Variants in HEG1 observed in about 807,000 individuals in gnomAD.
HEG1 encodes heart development protein with EGF like domains 1.
Under a neutral mutation model 125.6 loss-of-function variants are expected in HEG1, and 56 were observed. The ratio of observed to expected loss-of-function variants is 0.45; its 90% CI spans 0.36 to 0.56. The LOEUF (loss-of-function observed/expected upper bound fraction) is 0.56, where lower values mean the gene tolerates loss of function less well. HEG1 is among the 20% of genes least tolerant of loss of function. HEG1 has a pLI of 0.00. For synonymous variants in HEG1, 644 were observed against 668.5 expected (o/e 0.96, Z 0.57); for missense variants, 1,523 against 1,670.0 (o/e 0.91, Z 1.53).
At position 124,970,804 on chromosome 3, in the gene HEG1, G is replaced by T. The variant is rs1399270987; in HGVS notation, c.3997-3C>A. ...TCTGGATTCCTTACACTTGTAGGCT[G>T]GTTGCCAAAGAGAAAAGAAGAAAAG... On this transcript the variant is annotated splice_region_variant and splice_polypyrimidine_tract_variant and intron_variant, in intron 16 of 16. Transcript: ENST00000311127. 6.2e-7 allele frequency: 1 copy of T among 1,604,494 alleles called. No individual in the cohort carries two copies. Among genetic ancestry groups the T allele is most frequent in the African/African-American group, 1.3e-5 (1 of 74,840 alleles).
chr3:124,991,013 G>T (rs200239850), intron 12 of HEG1, 27 bp from the exon 13 acceptor site: 3 of 1,542,158 alleles, frequency 1.9e-6, no homozygotes, highest in Admixed American at 2.0e-5. Context: ...AAATGCATGA[G>T]TGTGTCTATT....
intron 1 of HEG1, among the ~76,000 whole-genome samples, chr3:125,037,125 T>C (rs111975914): frequency 0.015 from 2,241 of 152,354 alleles, 26 homozygotes; most frequent in Non-Finnish European, 0.024. Context: ...ACATTGTTGA[T>C]ACAGTTTTTC....
At chr3:125,050,201 T>C (rs1209024452) in intron 1 of HEG1, among the ~76,000 whole-genome samples, 7 of 149,198 alleles carry the variant, frequency 4.7e-5, no homozygotes, top group Admixed American at 4.1e-4. Context: ...TAGAGTGTAG[T>C]GGTGTACTCT....
chr3:125,049,534 A>G (rs1937756961), intron 1 of HEG1, among the ~76,000 whole-genome samples: 1 of 152,180 alleles, frequency 6.6e-6, no homozygotes, highest in Non-Finnish European at 1.5e-5. Context: ...CATCCACAGA[A>G]TACTTCCAAG....
In HEG1 at chr3:124,968,503, A is replaced by G. The variant is rs1936359488; in HGVS notation, c.*2149T>C. On this transcript the variant is annotated 3_prime_UTR_variant, in exon 17 of 17. Coordinates refer to ENST00000311127, the MANE Select transcript of HEG1 (RefSeq NM_020733.2). ...GAAGCATTGTTGGAACTCACAGGACACCGTTTTCTCGATGTTGGGATTCTT... is the reference window on the plus strand; with the variant it reads ...GAAGCATTGTTGGAACTCACAGGACGCCGTTTTCTCGATGTTGGGATTCTT... 6.6e-6 allele frequency: 1 copy of G among 152,204 alleles called. No individual in the cohort carries two copies. Among genetic ancestry groups the G allele is most frequent in the Admixed American group, 6.5e-5 (1 of 15,278 alleles). The allele number at this position is 152,204 out of a possible 1,614,324, so 9.4% of individuals were successfully genotyped here.
At chr3:124,999,614 T>G (rs757438357) in intron 11 of HEG1, among the ~76,000 whole-genome samples, 7 of 152,236 alleles carry the variant, frequency 4.6e-5, no homozygotes, top group Admixed American at 6.5e-5. Context: ...CAGAAGCAGA[T>G]CCATGCAAAA....
In HEG1 at chr3:125,052,570, A is replaced by C. The variant is rs1937837720; in HGVS notation, c.316+3005T>G. Among the ~76,000 whole-genome samples the C allele has an allele frequency of 2.6e-5, 4 of 152,220 alleles. No homozygotes were observed. The South Asian group carries it at 8.3e-4, about 32-fold the overall frequency. ...TCTCCCTCTCATCTGCAGATCTCAC[A>C]ATTAAAGCATAGCATATGGATCACA... On this transcript the variant is annotated intron_variant, in intron 1 of 16. Coordinates refer to ENST00000311127, the MANE Select transcript of HEG1 (RefSeq NM_020733.2).
At chr3:125,002,138 G>C in intron 10 of HEG1, 119 bp downstream of exon 10, 1 of 1,487,114 alleles carries the variant, frequency 6.7e-7, no homozygotes, top group Admixed American at 1.7e-5. Flanking sequence ...CAGTGACCTT[G>C]GCCCTGGATT....
intron 9 of HEG1, among the ~76,000 whole-genome samples, chr3:125,003,953 T>C (rs1937035735): frequency 1.3e-5 from 2 of 152,246 alleles, no homozygotes; most frequent in South Asian, 2.1e-4. Flanking sequence ...TAGTGAATTA[T>C]TGAAACTGAG....
At chr3:125,030,207 C>T (rs1312964625) in intron 1 of HEG1, among the ~76,000 whole-genome samples, 1 of 152,162 alleles carries the variant, frequency 6.6e-6, no homozygotes, top group Admixed American at 6.5e-5. Context: ...ATTATAAAAG[C>T]TGGCAGCCCT....
chr3:124,980,192 G>A (rs2107688186), intron 14 of HEG1, among the ~76,000 whole-genome samples: 1 of 152,320 alleles, frequency 6.6e-6, no homozygotes, highest in Non-Finnish European at 1.5e-5. Context: ...AACTGCAGCT[G>A]CTTCCCAACG....
intron 1 of HEG1, among the ~76,000 whole-genome samples, chr3:125,045,237 C>T (rs1053779479): frequency 2.0e-5 from 3 of 152,212 alleles, no homozygotes; most frequent in South Asian, 4.1e-4. Context: ...AGCACCCACT[C>T]GGAGAAAACA....
intron 8 of HEG1, 146 bp downstream of exon 8, chr3:125,009,559 G>C: frequency 1.4e-6 from 1 of 731,610 alleles, no homozygotes; most frequent in Non-Finnish European, 2.1e-6. Context: ...TTAGAATAAT[G>C]GACAATAGCT....
chr3:125,000,312 G>A (rs73201571), intron 11 of HEG1, among the ~76,000 whole-genome samples: 9,124 of 152,214 alleles, frequency 0.06, 348 homozygotes, highest in Non-Finnish European at 0.09. Context: ...AAATCCAAAT[G>A]GCTGGCACTT....
chr3:124,990,495 C>T (rs567647596), intron 14 of HEG1, among the ~76,000 whole-genome samples: 1 of 152,238 alleles, frequency 6.6e-6, no homozygotes, highest in South Asian at 2.1e-4. Context: ...TGTGCCATCA[C>T]ACCCAGCTAA....
chr3:125,024,459 C>G (rs1460421342), intron 3 of HEG1, among the ~76,000 whole-genome samples: 1 of 152,180 alleles, frequency 6.6e-6, no homozygotes, highest in Non-Finnish European at 1.5e-5. Context: ...GCTTTTTTCC[C>G]TGTTCGTTGC....
chr3:125,001,825 G>A, intron 11 of HEG1, 27 bp downstream of exon 11: 1 of 1,604,126 alleles, frequency 6.2e-7, no homozygotes. Flanking sequence ...ATATGGGTAG[G>A]ATCCTCCCAG....
Position 125,010,518 on chromosome 3 carries a change from G to T in HEG1, c.2994C>A (p.Gly998=). The T allele has an allele frequency of 6.4e-7, 1 of 1,559,654 alleles. No homozygotes were observed. Among genetic ancestry groups the T allele is most frequent in the South Asian group, 1.2e-5 (1 of 84,394 alleles). ...SCAVNPCLHN[G]ECVADNTSRG... ...GGCTGGTGTTGTCTGCGACGCATTC[G>T]CCATTGTGAAGACAAGGGTTCACAG... Residue 998 remains glycine (G), a synonymous_variant, in exon 7 of 17, where the codon GGC becomes GGA. Coordinates refer to ENST00000311127, the MANE Select transcript of HEG1 (RefSeq NM_020733.2).
intron 1 of HEG1, among the ~76,000 whole-genome samples, chr3:125,052,136 G>A (rs956086680): frequency 5.5e-5 from 4 of 72,678 alleles, no homozygotes; most frequent in African/African-American, 2.2e-4. Flanking sequence ...GCCCCCTCCC[G>A]CCTCCCCCCC....
Sources: gnomAD v4.1 joint callset for allele counts (sites outside exome capture counted in the v4.1 genomes callset) on GRCh38, gnomAD v4.1.1 for gene constraint, MANE v1.5 for transcripts, NCBI Gene and HGNC (gene_info 2026-07-23, HGNC 2026-07-21) for gene names.